The following CCNJL variants were observed in gnomAD, a reference collection of about 807,000 sequenced individuals.
CCNJL encodes the protein cyclin J like, also known as cyclin-J-like protein.
In CCNJL, 33 loss-of-function variants were observed where a neutral mutation model predicts 33.4. The ratio of observed to expected loss-of-function variants is 0.99; its 90% CI spans 0.75 to 1.32. The LOEUF is 1.32. Among genes scored for constraint, CCNJL ranks in the 40% most tolerant of loss-of-function variants. The pLI, the probability that CCNJL is intolerant of heterozygous loss-of-function variation, is 0.00. For synonymous variants in CCNJL, 227 were observed against 220.9 expected (o/e 1.03, Z -0.24); for missense variants, 512 against 499.7 (o/e 1.02, Z -0.23).
chr5:160,289,230 C>A (rs984102801), intron 2 of CCNJL, among the ~76,000 whole-genome samples: 4 of 152,166 alleles, frequency 2.6e-5, no homozygotes, highest in African/African-American at 9.7e-5. Context: ...CTGTCCCCTG[C>A]CCCCCACAGA....
chr5:160,274,019 A>G (rs141362345), intron 3 of CCNJL, among the ~76,000 whole-genome samples: 50 of 152,300 alleles, frequency 3.3e-4, no homozygotes, highest in African/African-American at 1.2e-3. Context: ...CTGTGTTTGT[A>G]TATCCATGGA....
intron 3 of CCNJL, among the ~76,000 whole-genome samples, chr5:160,267,238 T>C (rs1761635178): frequency 6.6e-6 from 1 of 152,188 alleles, no homozygotes; most frequent in African/African-American, 2.4e-5. Context: ...CTAGGGGGTC[T>C]GTGAACTGTG....
At chr5:160,296,615 G>T (rs1480778069) in intron 2 of CCNJL, among the ~76,000 whole-genome samples, 1 of 152,134 alleles carries the variant, frequency 6.6e-6, no homozygotes, top group Non-Finnish European at 1.5e-5. Flanking sequence ...GCCCTCCATG[G>T]GTTCTCAGGA....
intron 3 of CCNJL, 63 bp from the exon 4 acceptor site, chr5:160,259,834 C>A (rs76520014): frequency 7.1e-7 from 1 of 1,407,484 alleles, no homozygotes; most frequent in African/African-American, 1.4e-5. Flanking sequence ...AGGAAGCTAA[C>A]GGCCCACCTT....
chr5:160,283,991 T>C (rs1450698903), intron 2 of CCNJL, among the ~76,000 whole-genome samples: 1 of 152,216 alleles, frequency 6.6e-6, no homozygotes, highest in Non-Finnish European at 1.5e-5. Flanking sequence ...ACTGTGTATA[T>C]GTAGCACATG....
intron 2 of CCNJL, among the ~76,000 whole-genome samples, chr5:160,298,700 TGGACAACA>T (rs11279972): frequency 0.086 from 13,074 of 152,182 alleles, 1,895 homozygotes; most frequent in African/African-American, 0.3. Flanking sequence ...GAGGAAGCGA[TGGACAACA>T]GCTTGAGTCT....
intron 3 of CCNJL, among the ~76,000 whole-genome samples, chr5:160,276,570 C>T (rs373015850): frequency 1.3e-4 from 20 of 152,154 alleles, no homozygotes; most frequent in Admixed American, 3.9e-4. Flanking sequence ...CCAGAATAGA[C>T]GAATCCATAC....
At chr5:160,276,727 G>A (rs1162008604) in intron 3 of CCNJL, among the ~76,000 whole-genome samples, 3 of 152,126 alleles carry the variant, frequency 2.0e-5, no homozygotes, top group African/African-American at 7.2e-5. Context: ...CCACTCAACC[G>A]TACACTTGAA....
At chr5:160,313,870 T>TA (rs1210533927), upstream of CCNJL, among the ~76,000 whole-genome samples, 4 of 152,196 alleles carry the variant, frequency 2.6e-5, no homozygotes, top group African/African-American at 7.2e-5. Flanking sequence ...ATTTATATTT[T>TA]AAAAATGGGG....
rs749209105 is a variant in CCNJL, at chr5:160,280,532, C to A, written c.273G>T (p.Leu91=). Residue 91 remains leucine (L), a synonymous_variant, in exon 3 of 6, where the codon CTG becomes CTT. Coordinates refer to ENST00000257536, the MANE Select transcript of CCNJL (RefSeq NM_001308173.3). ...QLYTVAVSCL[L]LASKFEDRED... Reference sequence around the variant, plus strand: ...ACGTAGGTTTTCGCTTACTTGCAAGCAGGAGGCAGGAGACGGCCACGGTGT... The same window carrying A: ...ACGTAGGTTTTCGCTTACTTGCAAGAAGGAGGCAGGAGACGGCCACGGTGT... 6 of 1,612,192 alleles carry A rather than the reference C, an allele frequency of 3.7e-6. No individual in the cohort carries two copies. The African/African-American group carries it at 8.0e-5, about 22-fold the overall frequency.
intron 4 of CCNJL, 68 bp downstream of exon 4, chr5:160,259,401 C>T (rs1368450500): frequency 7.5e-6 from 11 of 1,467,294 alleles, no homozygotes; most frequent in East Asian, 4.5e-5. Context: ...CTTTTAGAGC[C>T]GCCTGACCCC....
intron 1 of CCNJL, among the ~76,000 whole-genome samples, chr5:160,322,245 T>G (rs972288521): frequency 2.1e-4 from 32 of 152,140 alleles, no homozygotes; most frequent in African/African-American, 7.7e-4. Context: ...CTAAGGACAT[T>G]TTTGATGTAT....
chr5:160,300,671 G>A (rs568784688), intron 2 of CCNJL, among the ~76,000 whole-genome samples: 20 of 152,048 alleles, frequency 1.3e-4, no homozygotes, highest in African/African-American at 4.8e-4. Context: ...TTTCCCACTC[G>A]AGGTTCCCAC....
At chr5:160,329,883 TTAGGACACCC>T (rs1327044264) in intron 1 of CCNJL, among the ~76,000 whole-genome samples, 2 of 152,206 alleles carry the variant, frequency 1.3e-5, no homozygotes, top group African/African-American at 4.8e-5. Flanking sequence ...ACAGGTATTG[TTAGGACACCC>T]GTCCGCTGTC....
chr5:160,317,395 GC>G (rs1277712963), upstream of CCNJL, among the ~76,000 whole-genome samples: 1 of 152,220 alleles, frequency 6.6e-6, no homozygotes, highest in Non-Finnish European at 1.5e-5. Flanking sequence ...CGCAGGGCCA[GC>G]TCCATCCATA....
chr5:160,320,850 C>CCTTCTTTCTTTCTTTCT (rs1763439163), intron 1 of CCNJL, among the ~76,000 whole-genome samples: 14 of 55,530 alleles, frequency 2.5e-4, no homozygotes, highest in Admixed American at 4.2e-4. Flanking sequence ...TCTTTCTTTC[C>CCTTCTTTCTTTCTTTCT]TTCTTTCTTT....
chr5:160,277,684 G>C (rs1301639487), intron 3 of CCNJL, among the ~76,000 whole-genome samples: 2 of 151,954 alleles, frequency 1.3e-5, no homozygotes, highest in Non-Finnish European at 2.9e-5. Context: ...AGCCCTGTTG[G>C]ACGGGGCAGA....
chr5:160,332,961 A>G (rs1028745233), intron 1 of CCNJL, among the ~76,000 whole-genome samples: 1 of 152,114 alleles, frequency 6.6e-6, no homozygotes, highest in Non-Finnish European at 1.5e-5. Context: ...GAAGTGGATC[A>G]GTGAATTAAG....
chr5:160,256,995 A>AAAC (rs767018359), intron 4 of CCNJL, among the ~76,000 whole-genome samples: 20 of 152,212 alleles, frequency 1.3e-4, no homozygotes, highest in Admixed American at 3.9e-4. Flanking sequence ...TAGGGCAGCT[A>AAAC]AACAACAACA....
Sources: gnomAD v4.1 joint callset for allele counts (sites outside exome capture counted in the v4.1 genomes callset) on GRCh38, gnomAD v4.1.1 for gene constraint, MANE v1.5 for transcripts, NCBI Gene and HGNC (gene_info 2026-07-23, HGNC 2026-07-21) for gene names.